The following ST18 variants were observed in gnomAD, a reference collection of about 807,000 sequenced individuals.
ST18 encodes suppression of tumorigenicity 18 protein.
A neutral mutation model predicts 110.0 loss-of-function variants in ST18; 50 were observed. The observed-to-expected ratio is 0.45, with a 90% CI of 0.36 to 0.58. The LOEUF (loss-of-function observed/expected upper bound fraction) is 0.58, where lower values mean the gene tolerates loss of function less well. ST18 is among the 20% of genes least tolerant of loss of function. The pLI is 0.00. For missense variants in ST18, 1,306 were observed against 1,280.1 expected, an observed-to-expected ratio of 1.02 and a Z score of -0.31; for synonymous variants, 461 against 452.4, an observed-to-expected ratio of 1.02 and a Z score of -0.24.
intron 2 of ST18, among the ~76,000 whole-genome samples, chr8:52,362,689 A>G (rs941915610): frequency 2.6e-5 from 4 of 152,178 alleles, no homozygotes; most frequent in African/African-American, 7.2e-5. Flanking sequence ...ATTGCTGAGG[A>G]CACAAGCAAT....
chr8:52,291,250 C>G (rs976823214), intron 2 of ST18, among the ~76,000 whole-genome samples: 1 of 152,236 alleles, frequency 6.6e-6, no homozygotes, highest in Non-Finnish European at 1.5e-5. Flanking sequence ...ACGCCTTTTC[C>G]TCCCCACTGT....
chr8:52,279,131 T>A (rs1312516967), intron 2 of ST18, among the ~76,000 whole-genome samples: 1 of 152,090 alleles, frequency 6.6e-6, no homozygotes, highest in East Asian at 1.9e-4. Flanking sequence ...GGAATAACAG[T>A]TATAGAATAT....
chr8:52,265,020 A>C (rs894559222), intron 2 of ST18, among the ~76,000 whole-genome samples: 3 of 152,256 alleles, frequency 2.0e-5, no homozygotes, highest in Non-Finnish European at 4.4e-5. Flanking sequence ...AAAACAAATG[A>C]GTACAAGATG....
intron 5 of ST18, among the ~76,000 whole-genome samples, chr8:52,218,435 T>C (rs1219947360): frequency 1.3e-5 from 2 of 150,918 alleles, no homozygotes; most frequent in African/African-American, 2.4e-5. Context: ...CAGGCTGGAG[T>C]GCAATGGCAT....
intron 16 of ST18, among the ~76,000 whole-genome samples, chr8:52,146,307 C>A (rs1410991292): frequency 6.6e-6 from 1 of 152,166 alleles, no homozygotes; most frequent in Non-Finnish European, 1.5e-5. Flanking sequence ...AGTCCTGTAC[C>A]CGCAGAAACA....
intron 2 of ST18, among the ~76,000 whole-genome samples, chr8:52,264,635 T>C (rs2094809059): frequency 6.6e-6 from 1 of 152,242 alleles, no homozygotes; most frequent in Non-Finnish European, 1.5e-5. Flanking sequence ...TAGAATTCTG[T>C]CCTTGTGAAC....
intron 23 of ST18, 36 bp downstream of exon 23, chr8:52,126,016 T>G (rs1216265311): frequency 1.3e-6 from 2 of 1,580,166 alleles, no homozygotes; most frequent in Non-Finnish European, 1.7e-6. Flanking sequence ...GTCTACACCC[T>G]GCAGGAGGTG....
intron 2 of ST18, among the ~76,000 whole-genome samples, chr8:52,328,729 T>C (rs1437262253): frequency 6.6e-6 from 1 of 152,208 alleles, no homozygotes; most frequent in Non-Finnish European, 1.5e-5. Context: ...AAAATTATCA[T>C]AAAGATGCAA....
chr8:52,295,522 T>C (rs2095619240), intron 2 of ST18, among the ~76,000 whole-genome samples: 1 of 152,098 alleles, frequency 6.6e-6, no homozygotes, highest in South Asian at 2.1e-4. Context: ...TTATGAAGCC[T>C]TTTGAAATAT....
chr8:52,118,928 C>T (rs2043568916), intron 23 of ST18, among the ~76,000 whole-genome samples: 1 of 152,160 alleles, frequency 6.6e-6, no homozygotes, highest in Non-Finnish European at 1.5e-5. Flanking sequence ...CAGTTTTATG[C>T]TGAGTAATTA....
Position 52,110,927 on chromosome 8 carries a change from G to A in ST18, c.*2271C>T, listed in dbSNP as rs2040366671. Reference sequence around the variant, plus strand: ...TTGATGTAAGAAATATTAAGTGTTTGGAGAAACAGTATACAAACAAACTAC... The same window carrying A: ...TTGATGTAAGAAATATTAAGTGTTTAGAGAAACAGTATACAAACAAACTAC... On this transcript the variant is annotated 3_prime_UTR_variant, in exon 26 of 26. Coordinates refer to ENST00000689386, the MANE Select transcript of ST18 (RefSeq NM_001352837.2). The A allele has an allele frequency of 2.5e-6, 1 of 396,594 alleles. No individual in the cohort carries two copies. The highest frequency in any genetic ancestry group is 4.4e-5 in the Admixed American group (1 of 22,634). 24.6% of individuals were successfully genotyped at this position (396,594 alleles called of 1,614,324 possible).
At chr8:52,125,470 C>T (rs1248032362) in intron 23 of ST18, among the ~76,000 whole-genome samples, 1 of 152,082 alleles carries the variant, frequency 6.6e-6, no homozygotes, top group African/African-American at 2.4e-5. Flanking sequence ...ACAACTTCCA[C>T]TAGTGTATCT....
chr8:52,322,459 G>A (rs1180345834), intron 2 of ST18, among the ~76,000 whole-genome samples: 1 of 152,180 alleles, frequency 6.6e-6, no homozygotes, highest in Non-Finnish European at 1.5e-5. Flanking sequence ...AATGATATCT[G>A]ACCGACTTGT....
chr8:52,342,238 A>C (rs1452704586), intron 2 of ST18, among the ~76,000 whole-genome samples: 1 of 152,240 alleles, frequency 6.6e-6, no homozygotes, highest in East Asian at 1.9e-4. Flanking sequence ...GTCAATTTAA[A>C]AAATACGTTG....
chr8:52,239,666 A>G (rs1403853198), intron 2 of ST18, among the ~76,000 whole-genome samples: 3 of 152,214 alleles, frequency 2.0e-5, no homozygotes, highest in African/African-American at 4.8e-5. Flanking sequence ...GCTGCTTGCT[A>G]TGATCCAAAC....
At chr8:52,404,841 T>C (rs1369998013) in intron 2 of ST18, 1 of 152,208 alleles carries the variant, frequency 6.6e-6, no homozygotes, top group Admixed American at 6.5e-5. Context: ...AAATATCTTT[T>C]TAAAAAAATT....
rs759682110 is a variant in ST18 at position 52,113,255 on chromosome 8, C to T, written c.3087G>A (p.Pro1029=). 9.3e-6 allele frequency: 15 copies of T among 1,613,980 alleles called. No individual in the cohort carries two copies. Among genetic ancestry groups the T allele is most frequent in the Non-Finnish European group, 1.3e-5 (15 of 1,179,984 alleles). Residue 1029 remains proline (P), a synonymous_variant, in exon 26 of 26, where the codon CCG becomes CCA. Coordinates refer to ENST00000689386, the MANE Select transcript of ST18 (RefSeq NM_001352837.2). The stretch of plus-strand genomic sequence containing the variant: ...TACTTTCCAGTAGAGCTTTGCATTC[C>T]GGGGAATAGTCCCGTTCCAGATTGC... The part of the protein sequence containing the change: ...MYSNLERDYS[P]ECKALLESIK...
chr8:52,202,921 G>A (rs772709050), intron 8 of ST18, among the ~76,000 whole-genome samples: 7 of 152,068 alleles, frequency 4.6e-5, no homozygotes, highest in Admixed American at 1.3e-4. Flanking sequence ...GAAAAATTAC[G>A]CAAGCAAAAA....
intron 9 of ST18, among the ~76,000 whole-genome samples, chr8:52,176,965 A>C (rs898207851): frequency 6.6e-6 from 1 of 152,236 alleles, no homozygotes; most frequent in African/African-American, 2.4e-5. Context: ...CCGAAAGCAG[A>C]GTGGTTTATC....
Sources: gnomAD v4.1 joint callset for allele counts (sites outside exome capture counted in the v4.1 genomes callset) on GRCh38, gnomAD v4.1.1 for gene constraint, MANE v1.5 for transcripts, NCBI Gene and HGNC (gene_info 2026-07-23, HGNC 2026-07-21) for gene names.